The following EPB41L3 variants were observed in gnomAD, a reference collection of about 807,000 sequenced individuals.
EPB41L3 encodes erythrocyte membrane protein band 4.1 like 3, also known as band 4.1-like protein 3.
In EPB41L3, 57 loss-of-function variants were observed where a neutral mutation model predicts 127.1. The observed-to-expected ratio is 0.45, with a 90% CI of 0.36 to 0.56. EPB41L3 has a LOEUF of 0.56. Ranked by LOEUF, EPB41L3 falls within the 20% of genes least tolerant of loss-of-function variation. The probability of loss-of-function intolerance (pLI) is 0.00; values close to 1 mark genes in which losing one functional copy is unlikely to be tolerated. For synonymous variants in EPB41L3, 572 were observed against 549.5 expected (o/e 1.04, Z -0.57); for missense variants, 1,273 against 1,372.2 (o/e 0.93, Z 1.14).
At chr18:5,544,950 A>G (rs1486193122), upstream of EPB41L3, among the ~76,000 whole-genome samples, 1 of 152,066 alleles carries the variant, frequency 6.6e-6, no homozygotes, top group Non-Finnish European at 1.5e-5. Flanking sequence ...ATAAAATATT[A>G]AATTTTTTTA....
chr18:5,419,645 C>T (rs2077225410), intron 12 of EPB41L3, 66 bp downstream of exon 12: 2 of 1,597,828 alleles, frequency 1.3e-6, no homozygotes, highest in Admixed American at 3.4e-5. Context: ...TGGTTTACAG[C>T]CTCAGCATCA....
At chr18:5,595,393 C>A (rs558523967) in intron 3 of EPB41L3, among the ~76,000 whole-genome samples, 5 of 152,094 alleles carry the variant, frequency 3.3e-5, no homozygotes, top group Admixed American at 6.6e-5. Context: ...CACGCCCTCC[C>A]CAGAAGCCAG....
intron 1 of EPB41L3, among the ~76,000 whole-genome samples, chr18:5,500,565 G>A (rs963237415): frequency 6.6e-6 from 1 of 152,196 alleles, no homozygotes; most frequent in Non-Finnish European, 1.5e-5. Flanking sequence ...GCTATCTGGG[G>A]ATATTTGGCC....
chr18:5,458,044 A>T (rs1263899525), intron 3 of EPB41L3, among the ~76,000 whole-genome samples: 4 of 152,312 alleles, frequency 2.6e-5, no homozygotes, highest in Admixed American at 1.3e-4. Context: ...TTTTAAAAAT[A>T]TCAAAGAAAA....
At chr18:5,457,312 T>C (rs2083255128) in intron 3 of EPB41L3, among the ~76,000 whole-genome samples, 1 of 152,082 alleles carries the variant, frequency 6.6e-6, no homozygotes, top group South Asian at 2.1e-4. Context: ...TCCTGGAGCT[T>C]ATCTGCCCTC....
rs529705355 is a variant in EPB41L3, at chr18:5,457,736, G to C, written c.382-12492C>G. ...CCTGCTACCTCACCTCGCTCCCTGT[G>C]AGGCTCTCTCCTGCAAAGAGGAGAC... On this transcript the variant is annotated intron_variant, in intron 3 of 22. Coordinates refer to ENST00000341928, the MANE Select transcript of EPB41L3 (RefSeq NM_012307.5). 4.9e-4 allele frequency among the ~76,000 whole-genome samples: 74 copies of C among 152,120 alleles called. 1 individual carries two copies. The highest frequency in any genetic ancestry group is 3.4e-3 in the Middle Eastern group (1 of 294).
At chr18:5,493,574 G>GAA (rs33919613) in intron 1 of EPB41L3, among the ~76,000 whole-genome samples, 22,074 of 150,094 alleles carry the variant, frequency 0.15, 1,699 homozygotes, top group Admixed American at 0.17. Context: ...CTATTTGCAT[G>GAA]AAAAAAAAAT....
chr18:5,424,882 T>C (rs1234332849), intron 9 of EPB41L3, among the ~76,000 whole-genome samples: 3 of 152,182 alleles, frequency 2.0e-5, no homozygotes, highest in Non-Finnish European at 4.4e-5. Context: ...TATTTGTGTG[T>C]TCCGCTATGG....
intron 16 of EPB41L3, chr18:5,399,733 T>C (rs915357433): frequency 2.9e-5 from 5 of 171,640 alleles, no homozygotes; most frequent in African/African-American, 1.2e-4. Context: ...ATAAGTTACT[T>C]AGCTTTACAT....
intron 3 of EPB41L3, among the ~76,000 whole-genome samples, chr18:5,561,133 A>T (rs549882347): frequency 4.0e-5 from 6 of 149,592 alleles, no homozygotes; most frequent in South Asian, 2.2e-4. Flanking sequence ...GCCCGCCACT[A>T]CGCCCGGCTA....
rs150739146 is a variant in EPB41L3, at chr18:5,592,250, T to A, written c.-306+20090A>T. The stretch of plus-strand genomic sequence containing the variant: ...GGCATGATCTTGGCTCACTGCAACC[T>A]CCACCTCGCGGGTTGAGGTGATTCT... On this transcript the variant is annotated intron_variant, in intron 3 of 21. Transcript: ENST00000545076. 9.3e-3 allele frequency among the ~76,000 whole-genome samples: 1,419 copies of A among 152,278 alleles called. 20 individuals are homozygous for A. Among genetic ancestry groups the A allele is most frequent in the African/African-American group, 0.027 (1,119 of 41,564 alleles).
intron 8 of EPB41L3, chr18:5,429,480 C>T (rs2078682748): frequency 6.6e-6 from 1 of 152,134 alleles, no homozygotes; most frequent in South Asian, 2.1e-4. Context: ...AGAGTCCACC[C>T]CTGGTCCCAC....
upstream of EPB41L3, among the ~76,000 whole-genome samples, chr18:5,544,694 T>C (rs2149099775): frequency 6.6e-6 from 1 of 152,326 alleles, no homozygotes; most frequent in Admixed American, 6.5e-5. Flanking sequence ...AATATTTTTA[T>C]GGGCACAAAA....
chr18:5,564,798 C>A (rs1238831843), intron 3 of EPB41L3, among the ~76,000 whole-genome samples: 1 of 152,162 alleles, frequency 6.6e-6, no homozygotes, highest in Non-Finnish European at 1.5e-5. Context: ...AACAGGACCC[C>A]AGTTCCCTGC....
At chr18:5,619,755 C>T (rs1197416199) in intron 1 of EPB41L3, among the ~76,000 whole-genome samples, 4 of 152,110 alleles carry the variant, frequency 2.6e-5, no homozygotes, top group Non-Finnish European at 4.4e-5. Context: ...TTAATGGGAG[C>T]CATCTAGATA....
intron 16 of EPB41L3, among the ~76,000 whole-genome samples, chr18:5,404,480 G>C (rs12959487): frequency 0.96 from 145,685 of 152,262 alleles, 70,022 homozygotes; most frequent in East Asian, 1. Context: ...CTTTCCTGGC[G>C]TTCTCCAGTT....
Position 5,395,588 on chromosome 18 carries a change from C to T in EPB41L3, c.3072+21G>A, listed in dbSNP as rs758125793. ...CAGCTCGCTCTCAAGGAATCCTCTT[C>T]TCGGTTCTCACTCCACTTACTTTGG... On this transcript the variant is annotated intron_variant, in intron 20 of 22. Transcript: ENST00000341928. The T allele has an allele frequency of 3.7e-6, 6 of 1,608,496 alleles. No homozygotes were observed. In the African/African-American group the frequency reaches 6.7e-5, roughly 18 times the overall value.
At chr18:5,433,747 G>C (rs956787167) in intron 7 of EPB41L3, among the ~76,000 whole-genome samples, 156 bp downstream of exon 7, 2 of 152,166 alleles carry the variant, frequency 1.3e-5, no homozygotes. Flanking sequence ...CTCTGAGTGA[G>C]AGCTTGCCCA....
At chr18:5,589,226 GA>G (rs890026948) in intron 3 of EPB41L3, among the ~76,000 whole-genome samples, 20 of 151,964 alleles carry the variant, frequency 1.3e-4, no homozygotes, top group African/African-American at 4.8e-4. Flanking sequence ...ATGATTACAG[GA>G]AACCATGAAA....
Sources: gnomAD v4.1 joint callset for allele counts (sites outside exome capture counted in the v4.1 genomes callset) on GRCh38, gnomAD v4.1.1 for gene constraint, MANE v1.5 for transcripts, NCBI Gene and HGNC (gene_info 2026-07-23, HGNC 2026-07-21) for gene names.